Variants in BLTP1 observed in about 807,000 individuals in gnomAD.
BLTP1 encodes the protein fragile site-associated protein.
the BLTP1 span, chr4:122,201,181 C>T: frequency 3.6e-6 from 5 of 1,373,344 alleles, no homozygotes; most frequent in Admixed American, 8.8e-5. Context: ...AACTTGTTTA[C>T]ATTTGATAAG....
At chr4:122,285,732 A>G in the BLTP1 span, among the ~76,000 whole-genome samples, 1 of 152,128 alleles carries the variant, frequency 6.6e-6, no homozygotes, top group South Asian at 2.1e-4. Context: ...GAGTGGAGAG[A>G]ATTGGTAATG....
chr4:122,298,337 C>G, the BLTP1 span: 1 of 403,942 alleles, frequency 2.5e-6, no homozygotes, highest in South Asian at 1.0e-4. Context: ...AAACTAAGAA[C>G]TCTCTTAGCT....
At chr4:122,205,641 TTCTCTC>T in the BLTP1 span, among the ~76,000 whole-genome samples, 5 of 105,690 alleles carry the variant, frequency 4.7e-5, no homozygotes, top group Non-Finnish European at 3.9e-5. Flanking sequence ...TTCCCCCCCC[TTCTCTC>T]TCTCTCTCTC....
chr4:122,196,103 C>A, the BLTP1 span, among the ~76,000 whole-genome samples: 3 of 152,146 alleles, frequency 2.0e-5, no homozygotes, highest in Non-Finnish European at 4.4e-5. Context: ...TGCTCTTTAG[C>A]CTTTTAATGA....
At chr4:122,307,581 G>A in the BLTP1 span, 2 of 985,042 alleles carry the variant, frequency 2.0e-6, no homozygotes, top group Non-Finnish European at 1.2e-6. Flanking sequence ...GTACCTTAAA[G>A]AATTTTAAAA....
chr4:122,172,363 GC>G, the BLTP1 span: 1 of 698,710 alleles, frequency 1.4e-6, no homozygotes, highest in Non-Finnish European at 1.8e-6. Context: ...TTCCTGTTTT[GC>G]CTTTTGTATA....
At chr4:122,354,853 G>C in the BLTP1 span, among the ~76,000 whole-genome samples, 3 of 151,710 alleles carry the variant, frequency 2.0e-5, no homozygotes, top group African/African-American at 7.3e-5. Flanking sequence ...TTTTAGTAGA[G>C]ACAGGGTTTC....
chr4:122,166,251 TA>T, the BLTP1 span, among the ~76,000 whole-genome samples: 1 of 152,166 alleles, frequency 6.6e-6, no homozygotes, highest in East Asian at 1.9e-4. Flanking sequence ...AATTTTTGTA[TA>T]AGGTGTAAGG....
chr4:122,357,005 T>G, the BLTP1 span: 1 of 984,184 alleles, frequency 1.0e-6, no homozygotes, highest in Non-Finnish European at 1.2e-6. Context: ...CAGTTAGATC[T>G]TACAGGAGAT....
chr4:122,284,597 A>ATGTGTATACTTACATATTTATGTAAGTAT, the BLTP1 span, among the ~76,000 whole-genome samples: 1 of 152,126 alleles, frequency 6.6e-6, no homozygotes, highest in African/African-American at 2.4e-5. Flanking sequence ...TGTATACAGT[A>ATGTGTATACTTACATATTTATGTAAGTAT]GTCCCTGCTT....
At chr4:122,246,822 T>A in the BLTP1 span, 1 of 1,610,104 alleles carries the variant, frequency 6.2e-7, no homozygotes, top group Admixed American at 1.7e-5. Context: ...TAAGAAATAC[T>A]TTATTAATCT....
the BLTP1 span, chr4:122,351,162 T>C: frequency 1.3e-5 from 5 of 393,366 alleles, no homozygotes; most frequent in African/African-American, 4.4e-5. Flanking sequence ...ACTAGGATGA[T>C]AGAGGTGTAA....
At chr4:122,214,062 T>A in the BLTP1 span, 1 of 253,230 alleles carries the variant, frequency 3.9e-6, no homozygotes, top group South Asian at 1.5e-4. Context: ...GCTATTAATT[T>A]TTCTTTTTTC....
chr4:122,329,704 A>G, the BLTP1 span, among the ~76,000 whole-genome samples: 1 of 151,760 alleles, frequency 6.6e-6, no homozygotes, highest in Non-Finnish European at 1.5e-5. Flanking sequence ...TTCCAGATAT[A>G]CAATTTGATA....
the BLTP1 span, among the ~76,000 whole-genome samples, chr4:122,265,929 C>T: frequency 2.6e-5 from 4 of 152,160 alleles, no homozygotes; most frequent in Non-Finnish European, 5.9e-5. Flanking sequence ...GATCTGACCT[C>T]GTGATCCACC....
At chr4:122,311,508 A>G in the BLTP1 span, among the ~76,000 whole-genome samples, 1 of 152,122 alleles carries the variant, frequency 6.6e-6, no homozygotes, top group Non-Finnish European at 1.5e-5. Context: ...TTTTTGAACA[A>G]AGGTGATGTG....
the BLTP1 span, chr4:122,152,504 C>T: frequency 1.6e-4 from 161 of 985,814 alleles, no homozygotes; most frequent in Non-Finnish European, 1.8e-4. Flanking sequence ...CTGCCGTCGC[C>T]GCCCCTGCCG....
At chr4:122,203,692 C>T in the BLTP1 span, 1 of 199,006 alleles carries the variant, frequency 5.0e-6, no homozygotes, top group Non-Finnish European at 9.0e-6. Flanking sequence ...ATTTTGTCAC[C>T]ATAATTTTTA....
chr4:122,310,869 C>T, the BLTP1 span: 2 of 753,194 alleles, frequency 2.7e-6, no homozygotes, highest in Non-Finnish European at 3.2e-6. Context: ...CTTCAGGTTA[C>T]TGAGAAGACT....
Sources: allele counts gnomAD v4.1 joint callset (sites outside exome capture counted in the v4.1 genomes callset), GRCh38; gene constraint gnomAD v4.1.1; transcripts MANE v1.5; gene names NCBI Gene and HGNC (gene_info 2026-07-23, HGNC 2026-07-21).